ALMS1: variants seen among roughly 807,000 people sequenced by gnomAD.
ALMS1 encodes the protein ALMS1 centrosome and basal body associated protein.
A neutral mutation model predicts 352.2 loss-of-function variants in ALMS1; 271 were observed. That is an observed-to-expected ratio of 0.77 (90% CI 0.70 to 0.85). The LOEUF (loss-of-function observed/expected upper bound fraction) is 0.85, where lower values mean the gene tolerates loss of function less well. ALMS1 is among the 40% of genes least tolerant of loss of function. The probability of loss-of-function intolerance (pLI) is 0.00; values close to 1 mark genes in which losing one functional copy is unlikely to be tolerated. For synonymous variants in ALMS1, 1,865 were observed against 1,761.2 expected (o/e 1.06, Z -1.48); for missense variants, 5,445 against 4,870.7 (o/e 1.12, Z -3.51).
At position 73,573,392 on chromosome 2, in the gene ALMS1, A is replaced by G. The variant is rs761578558; in HGVS notation, c.11515A>G (p.Thr3839Ala). ...KVLNTGHPLV[T>A]SEHTRRRHIQ... ...GCTGAATACAGGTCATCCCCTAGTGACTTCTGAGCACACCAGAAGGAGACA... is the reference window on the plus strand; with the variant it reads ...GCTGAATACAGGTCATCCCCTAGTGGCTTCTGAGCACACCAGAAGGAGACA... The change falls in exon 16 of 23, where the codon ACT becomes GCT. Residue 3839 changes from threonine (T) to alanine (A), a missense_variant. Thr to Ala is a moderately conservative substitution (Grantham distance 58). Coordinates refer to ENST00000613296, the MANE Select transcript of ALMS1 (RefSeq NM_001378454.1). 6.2e-7 allele frequency: 1 copy of G among 1,614,048 alleles called. No homozygotes were observed. The highest frequency in any genetic ancestry group is 8.5e-7 in the Non-Finnish European group (1 of 1,179,988).
chr2:73,575,010 G>T (rs766619173), intron 16 of ALMS1, among the ~76,000 whole-genome samples: 3 of 152,048 alleles, frequency 2.0e-5, no homozygotes, highest in Non-Finnish European at 4.4e-5. Flanking sequence ...CATATAAATG[G>T]AATCATTTAA....
intron 1 of ALMS1, among the ~76,000 whole-genome samples, chr2:73,389,586 T>G (rs1261654834): frequency 1.3e-5 from 2 of 152,224 alleles, no homozygotes; most frequent in East Asian, 3.8e-4. Context: ...GAGTTAATCT[T>G]TGCATATGGT....
At chr2:73,559,166 AGT>A in intron 15 of ALMS1, 24 bp downstream of exon 15, 2 of 1,606,992 alleles carry the variant, frequency 1.2e-6, no homozygotes, top group Admixed American at 1.7e-5. Flanking sequence ...GTTGTGTATG[AGT>A]GTGTGTGTCT....
chr2:73,556,332 C>G (rs1010018870), intron 13 of ALMS1, among the ~76,000 whole-genome samples: 2 of 152,026 alleles, frequency 1.3e-5, no homozygotes, highest in Admixed American at 6.5e-5. Flanking sequence ...TTTTAGCAAT[C>G]TCTATTGCCT....
In ALMS1 at chr2:73,554,771, T is replaced by G. The variant is rs1035317499; in HGVS notation, c.10079-2449T>G. 2.6e-5 allele frequency among the ~76,000 whole-genome samples: 4 copies of G among 152,084 alleles called. No homozygotes were observed. The East Asian group carries it at 7.7e-4, about 29-fold the overall frequency. On this transcript the variant is annotated intron_variant, in intron 13 of 22. Coordinates refer to ENST00000613296, the MANE Select transcript of ALMS1 (RefSeq NM_001378454.1). Reference sequence around the variant, plus strand: ...GGAGCGTGTAAGTTTCTAGCCAGATTTTATTTCCTAACCTGGGTAAGGTTA... The same window carrying G: ...GGAGCGTGTAAGTTTCTAGCCAGATGTTATTTCCTAACCTGGGTAAGGTTA...
intron 1 of ALMS1, among the ~76,000 whole-genome samples, chr2:73,396,241 T>G (rs1670757530): frequency 6.6e-6 from 1 of 152,012 alleles, no homozygotes; most frequent in Non-Finnish European, 1.5e-5. Context: ...TAAACCAGCC[T>G]TGTGAAAATA....
At chr2:73,570,181 C>G (rs1674894939) in intron 15 of ALMS1, among the ~76,000 whole-genome samples, 1 of 152,088 alleles carries the variant, frequency 6.6e-6, no homozygotes, top group Non-Finnish European at 1.5e-5. Context: ...ATGTGGAAGA[C>G]TAGGGAAGGT....
At chr2:73,521,007 C>T (rs951594586) in intron 11 of ALMS1, among the ~76,000 whole-genome samples, 9 of 152,050 alleles carry the variant, frequency 5.9e-5, no homozygotes, top group Non-Finnish European at 2.9e-5. Flanking sequence ...CACCTACACA[C>T]GTAGATGGAA....
At position 73,559,184 on chromosome 2, in the gene ALMS1, TG is replaced by T. The variant is rs762848002; in HGVS notation, c.10384+43del. On this transcript the variant is annotated intron_variant, in intron 15 of 22. Coordinates refer to ENST00000613296, the MANE Select transcript of ALMS1 (RefSeq NM_001378454.1). ...GTGTATGAGTGTGTGTGTCTTTGTG[TG>T]TATGTGAGGGTCAGTGTTAGTGTTT... 1.9e-6 allele frequency: 3 copies of T among 1,595,728 alleles called. No homozygotes were observed. The East Asian group carries it at 6.8e-5, about 36-fold the overall frequency.
rs1258151977 is a variant in ALMS1, at chr2:73,490,686, A to G, written c.8727A>G (p.Gln2909=). ...GGAAACACCATTCTCCCTCTCCTCA[A>G]CATCAGGATTATGTAGCTCCAGACC... The part of the protein sequence containing the change: ...HVRKHHSPSP[Q]HQDYVAPDLP... The change falls in exon 10 of 23, where the codon CAA becomes CAG. Residue 2909 remains glutamine, a synonymous_variant. Coordinates refer to ENST00000613296, the MANE Select transcript of ALMS1 (RefSeq NM_001378454.1). The G allele has an allele frequency of 5.0e-6, 8 of 1,614,030 alleles. No homozygotes were observed. The Admixed American group carries it at 5.0e-5, about 10-fold the overall frequency.
intron 2 of ALMS1, among the ~76,000 whole-genome samples, chr2:73,413,635 C>G (rs1439547259): frequency 6.6e-6 from 1 of 152,172 alleles, no homozygotes; most frequent in Non-Finnish European, 1.5e-5. Flanking sequence ...GTGTCAAAAT[C>G]TCTCCCAACT....
chr2:73,547,832 G>A (rs1266458657), intron 12 of ALMS1, among the ~76,000 whole-genome samples: 1 of 152,196 alleles, frequency 6.6e-6, no homozygotes, highest in Non-Finnish European at 1.5e-5. Context: ...TAGTTAGAAG[G>A]CTGTTGCTTT....
intron 2 of ALMS1, 90 bp from the exon 3 acceptor site, chr2:73,419,033 T>C: frequency 9.2e-7 from 1 of 1,083,110 alleles, no homozygotes; most frequent in Non-Finnish European, 1.4e-6. Flanking sequence ...GGAAGCTATA[T>C]AATACATGAG....
At chr2:73,478,403 A>C (rs1041719150) in intron 9 of ALMS1, among the ~76,000 whole-genome samples, 5 of 152,186 alleles carry the variant, frequency 3.3e-5, no homozygotes, top group African/African-American at 1.2e-4. Context: ...AATTTGTAAG[A>C]TATAATTGTT....
intron 7 of ALMS1, 65 bp downstream of exon 7, chr2:73,432,356 A>C (rs1447667511): frequency 8.7e-7 from 1 of 1,152,716 alleles, no homozygotes; most frequent in Admixed American, 1.8e-5. Flanking sequence ...ATATCTTGTT[A>C]GGTCTATCTA....
chr2:73,601,391 G>C lies in ALMS1; in HGVS notation c.12069G>C (p.Glu4023Asp). Residue 4023 changes from glutamate (E) to aspartate (D), a missense_variant, in exon 19 of 23, where the codon GAG (glutamate) becomes GAC (aspartate). Transcript: ENST00000613296. ...GRGYLAGPGR[E>D]AGRDLLRPFV... is the part of the protein sequence containing the mutation. ...GCTACCTGGCAGGCCCAGGCAGAGA[G>C]GCTGGCAGAGACCTACTGAGGCCAT... The C allele has an allele frequency of 6.2e-7, 1 of 1,614,102 alleles. No homozygotes were observed. The highest frequency in any genetic ancestry group is 2.2e-5 in the East Asian group (1 of 44,876).
chr2:73,446,670 C>T (rs10496191), intron 7 of ALMS1, among the ~76,000 whole-genome samples: 58,043 of 151,956 alleles, frequency 0.38, 15,427 homozygotes, highest in African/African-American at 0.76. Context: ...GAGCTCAGAA[C>T]TTGGATTTAG....
At chr2:73,416,429 C>T (rs994751108) in intron 2 of ALMS1, among the ~76,000 whole-genome samples, 6 of 151,898 alleles carry the variant, frequency 4.0e-5, no homozygotes, top group Non-Finnish European at 7.4e-5. Flanking sequence ...ACATTTTTTT[C>T]TTTGCATGTA....
chr2:73,565,513 C>T (rs1051765306), intron 15 of ALMS1, among the ~76,000 whole-genome samples: 6 of 152,134 alleles, frequency 3.9e-5, no homozygotes, highest in African/African-American at 1.4e-4. Context: ...AGATATTCCA[C>T]CATCAGGGAG....
Sources: allele counts gnomAD v4.1 joint callset (sites outside exome capture counted in the v4.1 genomes callset), GRCh38; gene constraint gnomAD v4.1.1; transcripts MANE v1.5; gene names NCBI Gene and HGNC (gene_info 2026-07-23, HGNC 2026-07-21).